TLK1: variants seen among roughly 807,000 people sequenced by gnomAD.
TLK1 encodes the protein serine/threonine-protein kinase tousled-like 1.
A neutral mutation model predicts 105.3 loss-of-function variants in TLK1; 24 were observed. The ratio of observed to expected loss-of-function variants is 0.23; its 90% CI spans 0.17 to 0.32. The LOEUF (loss-of-function observed/expected upper bound fraction) is 0.32, where lower values mean the gene tolerates loss of function less well. TLK1 is among the 10% of genes least tolerant of loss of function. The pLI, the probability that TLK1 is intolerant of heterozygous loss-of-function variation, is 1.00. For missense variants in TLK1, 558 were observed against 910.5 expected (o/e 0.61, Z 4.98); for synonymous variants, 321 against 310.4 (o/e 1.03, Z -0.36).
At chr2:171,027,254 T>C (rs570629250) in intron 12 of TLK1, among the ~76,000 whole-genome samples, 1 of 152,188 alleles carries the variant, frequency 6.6e-6, no homozygotes, top group South Asian at 2.1e-4. Flanking sequence ...ATTTTACCTA[T>C]AATTCAGCCT....
chr2:170,997,918 T>C (rs1391061876), intron 18 of TLK1, 95 bp from the exon 19 acceptor site: 2 of 672,960 alleles, frequency 3.0e-6, no homozygotes, highest in South Asian at 5.1e-5. Context: ...ATTTTATTCA[T>C]ATATAAACTC....
chr2:171,058,592 T>C (rs912951815), intron 4 of TLK1, among the ~76,000 whole-genome samples: 1 of 152,178 alleles, frequency 6.6e-6, no homozygotes, highest in African/African-American at 2.4e-5. Flanking sequence ...TTTTGTAAAA[T>C]GTATTTTGAT....
chr2:171,039,385 C>T (rs1686540513), intron 11 of TLK1, among the ~76,000 whole-genome samples: 1 of 152,166 alleles, frequency 6.6e-6, no homozygotes, highest in African/African-American at 2.4e-5. Context: ...CCCACCTCAG[C>T]CCCTCAAGTA....
chr2:171,204,827 C>T (rs1008205547), intron 1 of TLK1, among the ~76,000 whole-genome samples: 2 of 151,574 alleles, frequency 1.3e-5, no homozygotes, highest in African/African-American at 4.8e-5. Flanking sequence ...GCGTGGTGGC[C>T]GGTGCCTGTA....
chr2:171,198,433 T>C (rs1043342523), intron 1 of TLK1, among the ~76,000 whole-genome samples: 1 of 152,162 alleles, frequency 6.6e-6, no homozygotes. Context: ...TTGCGTCTTA[T>C]GGATGAGTAG....
intron 1 of TLK1, among the ~76,000 whole-genome samples, chr2:171,132,090 A>C (rs532778636): frequency 6.6e-6 from 1 of 152,280 alleles, no homozygotes; most frequent in East Asian, 1.9e-4. Flanking sequence ...GAAATACCTG[A>C]GACTGGGTAA....
At chr2:171,109,481 A>G in intron 2 of TLK1, among the ~76,000 whole-genome samples, 1 of 152,220 alleles carries the variant, frequency 6.6e-6, no homozygotes, top group Non-Finnish European at 1.5e-5. Context: ...AAGTTAAAAT[A>G]AACGAGCTGA....
chr2:171,114,400 A>G (rs1348950656), intron 2 of TLK1, among the ~76,000 whole-genome samples: 1 of 152,230 alleles, frequency 6.6e-6, no homozygotes, highest in Non-Finnish European at 1.5e-5. Flanking sequence ...TAATCACATG[A>G]GTACATAAAA....
intron 10 of TLK1, among the ~76,000 whole-genome samples, chr2:171,049,313 A>G (rs1026563320): frequency 6.6e-6 from 1 of 152,010 alleles, no homozygotes; most frequent in African/African-American, 2.4e-5. Flanking sequence ...TAATAAATAG[A>G]GTTTACCTCA....
At chr2:171,118,976 TTCTAGC>T (rs1332291047) in intron 1 of TLK1, among the ~76,000 whole-genome samples, 4 of 152,180 alleles carry the variant, frequency 2.6e-5, no homozygotes, top group African/African-American at 9.6e-5. Flanking sequence ...TGTCTACTTC[TTCTAGC>T]TCAAAAAAAG....
chr2:171,156,608 G>A (rs764800625), intron 1 of TLK1, among the ~76,000 whole-genome samples: 6 of 152,170 alleles, frequency 3.9e-5, no homozygotes, highest in Non-Finnish European at 7.4e-5. Flanking sequence ...TTGTAAAGGA[G>A]ACATCTGTCA....
At chr2:171,073,921 T>C (rs903388627) in intron 3 of TLK1, among the ~76,000 whole-genome samples, 24 of 140,308 alleles carry the variant, frequency 1.7e-4, no homozygotes, top group Non-Finnish European at 7.8e-5. Flanking sequence ...GATGGAGTCT[T>C]GCTGTGTCAC....
intron 3 of TLK1, among the ~76,000 whole-genome samples, chr2:171,064,462 T>G (rs1332361773): frequency 6.6e-6 from 1 of 152,212 alleles, no homozygotes; most frequent in Non-Finnish European, 1.5e-5. Flanking sequence ...CCAGGCCACC[T>G]ATGTATTTGC....
chr2:171,225,755 T>G (rs1357300915), intron 1 of TLK1, among the ~76,000 whole-genome samples: 5 of 152,188 alleles, frequency 3.3e-5, no homozygotes. Context: ...AATCGTTGAG[T>G]GCATACACAC....
At chr2:170,998,008 A>G (rs1158354746) in intron 18 of TLK1, among the ~76,000 whole-genome samples, 185 bp from the exon 19 acceptor site, 1 of 152,162 alleles carries the variant, frequency 6.6e-6, no homozygotes, top group East Asian at 1.9e-4. Context: ...TAGAGCCAAC[A>G]CATACAACAT....
At chr2:171,143,467 C>CTGCACTCCA (rs989831413) in intron 1 of TLK1, among the ~76,000 whole-genome samples, 1 of 117,350 alleles carries the variant, frequency 8.5e-6, no homozygotes, top group African/African-American at 3.4e-5. Context: ...GATCACACCA[C>CTGCACTCCA]TGCACTCCAG....
At chr2:171,116,235 CA>C (rs1451977017) in intron 2 of TLK1, among the ~76,000 whole-genome samples, 4 of 152,038 alleles carry the variant, frequency 2.6e-5, no homozygotes, top group Non-Finnish European at 5.9e-5. Flanking sequence ...AGACATATGA[CA>C]AAGTGGGAGA....
At chr2:170,995,656 T>A (rs1417270055) in intron 20 of TLK1, among the ~76,000 whole-genome samples, 1 of 152,250 alleles carries the variant, frequency 6.6e-6, no homozygotes, top group East Asian at 1.9e-4. Context: ...AAAGGAGTCA[T>A]ATTTATCTTA....
At chr2:171,057,618 A>G (rs1225797133) in intron 5 of TLK1, among the ~76,000 whole-genome samples, 1 of 152,074 alleles carries the variant, frequency 6.6e-6, no homozygotes, top group East Asian at 1.9e-4. Context: ...TGCTCTCTCA[A>G]GTAAACATAA....
Sources: gnomAD v4.1 joint callset for allele counts (sites outside exome capture counted in the v4.1 genomes callset) on GRCh38, gnomAD v4.1.1 for gene constraint, MANE v1.5 for transcripts, NCBI Gene and HGNC (gene_info 2026-07-23, HGNC 2026-07-21) for gene names.